CALN1: variants seen among roughly 807,000 people sequenced by gnomAD.
CALN1 encodes calneuron 1.
CALN1 carries 17 observed loss-of-function variants against 30.6 expected under a neutral mutation model. The observed-to-expected ratio is 0.56, with a 90% CI of 0.38 to 0.83. CALN1 has a LOEUF of 0.83. CALN1 is among the 40% of genes least tolerant of loss of function. The probability of loss-of-function intolerance (pLI) is 0.00; values close to 1 mark genes in which losing one functional copy is unlikely to be tolerated. For synonymous variants in CALN1, 156 were observed against 131.4 expected, an observed-to-expected ratio of 1.19 and a Z score of -1.28; for missense variants, 291 against 354.9, an observed-to-expected ratio of 0.82 and a Z score of 1.45.
chr7:72,121,027 G>A (rs1441271396), intron 3 of CALN1, among the ~76,000 whole-genome samples: 1 of 150,216 alleles, frequency 6.7e-6, no homozygotes, highest in Non-Finnish European at 1.5e-5. Context: ...GACTGTTTTG[G>A]GGGTGGAACG....
At chr7:72,321,748 G>A (rs985780284) in intron 2 of CALN1, among the ~76,000 whole-genome samples, 2 of 152,154 alleles carry the variant, frequency 1.3e-5, no homozygotes, top group Non-Finnish European at 2.9e-5. Flanking sequence ...GACTATACCC[G>A]CAGTCTTTCT....
Position 72,389,781 on chromosome 7 carries a change from C to CAT in CALN1, c.119+13469_119+13470insAT, listed in dbSNP as rs372384741. Reference sequence around the variant, plus strand: ...CTAAAAATACAAAATTAGCTAGGCACAGTGGTGCATGCCTGTAATCCCAGC... The same window carrying CAT: ...CTAAAAATACAAAATTAGCTAGGCACATAGTGGTGCATGCCTGTAATCCCAGC... On this transcript the variant is annotated intron_variant, in intron 2 of 6. Coordinates refer to ENST00000395275, the MANE Select transcript of CALN1 (RefSeq NM_031468.4). Among the ~76,000 whole-genome samples the CAT allele has an allele frequency of 7.9e-3, 1,207 of 152,170 alleles. 17 individuals are homozygous for CAT. Among genetic ancestry groups the CAT allele is most frequent in the African/African-American group, 0.028 (1,152 of 41,496 alleles).
chr7:72,500,014 C>T, the CALN1 span, among the ~76,000 whole-genome samples: 1 of 151,192 alleles, frequency 6.6e-6, no homozygotes, highest in Non-Finnish European at 1.5e-5. Context: ...CAGGCTCAAG[C>T]GATTCTCCTG....
At chr7:72,469,091 A>G in the CALN1 span, among the ~76,000 whole-genome samples, 1 of 152,150 alleles carries the variant, frequency 6.6e-6, no homozygotes, top group African/African-American at 2.4e-5. Context: ...TTCTTCTATT[A>G]CATGTGCTTT....
chr7:72,028,563 C>A (rs1013786962), intron 4 of CALN1, among the ~76,000 whole-genome samples: 1 of 152,150 alleles, frequency 6.6e-6, no homozygotes, highest in Non-Finnish European at 1.5e-5. Flanking sequence ...CCAACTATGG[C>A]GTGGAGTACA....
At chr7:72,241,252 G>A (rs1794807974) in intron 3 of CALN1, among the ~76,000 whole-genome samples, 1 of 152,186 alleles carries the variant, frequency 6.6e-6, no homozygotes, top group African/African-American at 2.4e-5. Flanking sequence ...ACTTACACCA[G>A]CCATGGACTA....
intron 3 of CALN1, among the ~76,000 whole-genome samples, chr7:72,120,197 TTATC>T (rs1436032220): frequency 1.3e-5 from 2 of 152,118 alleles, no homozygotes; most frequent in Admixed American, 6.6e-5. Context: ...GAAAAAAAAA[TTATC>T]TATATTTCAC....
At chr7:72,251,050 A>G (rs999620784) in intron 3 of CALN1, among the ~76,000 whole-genome samples, 3 of 152,092 alleles carry the variant, frequency 2.0e-5, no homozygotes, top group Non-Finnish European at 4.4e-5. Flanking sequence ...CAGACCAATC[A>G]TCTTGGAGCT....
chr7:72,213,511 G>C (rs1180687075), intron 3 of CALN1, among the ~76,000 whole-genome samples: 1 of 152,148 alleles, frequency 6.6e-6, no homozygotes, highest in Non-Finnish European at 1.5e-5. Flanking sequence ...ACTCAAATTG[G>C]ATTTCGGTGA....
chr7:72,197,361 A>G (rs930208907), intron 3 of CALN1, among the ~76,000 whole-genome samples: 1 of 151,346 alleles, frequency 6.6e-6, no homozygotes, highest in Non-Finnish European at 1.5e-5. Context: ...ACCACCACGC[A>G]TGGCTAATTT....
rs569196842 is a variant in CALN1 at position 71,842,019 on chromosome 7, C to T, written c.502-31527G>A. ...ATCTAAAAAAGAAAAAAAAAAAAGA[C>T]AAAAAACAAATCTCCCAGCCCTTCT... On this transcript the variant is annotated intron_variant, in intron 5 of 6. Coordinates refer to ENST00000395275, the MANE Select transcript of CALN1 (RefSeq NM_031468.4). Among the ~76,000 whole-genome samples the T allele has an allele frequency of 8.8e-4, 132 of 150,768 alleles. 1 individual carries two copies. Among genetic ancestry groups the T allele is most frequent in the African/African-American group, 2.9e-3 (120 of 41,136 alleles).
chr7:72,235,739 G>A (rs1381569646), intron 3 of CALN1, among the ~76,000 whole-genome samples: 1 of 134,856 alleles, frequency 7.4e-6, no homozygotes, highest in Non-Finnish European at 1.5e-5. Flanking sequence ...TTGTTATTAA[G>A]CCTGTCAATC....
At chr7:72,388,850 G>A (rs1037010420) in intron 2 of CALN1, among the ~76,000 whole-genome samples, 4 of 152,280 alleles carry the variant, frequency 2.6e-5, no homozygotes, top group Middle Eastern at 3.4e-3. Context: ...TTCAGAACTG[G>A]TGCATTTGGG....
chr7:72,365,881 T>TA (rs1178701662), intron 2 of CALN1, among the ~76,000 whole-genome samples: 1 of 152,202 alleles, frequency 6.6e-6, no homozygotes, highest in Non-Finnish European at 1.5e-5. Flanking sequence ...CCCAGTTGGT[T>TA]AAATTCTAAA....
At chr7:72,428,514 C>T (rs1166304518) in intron 1 of CALN1, among the ~76,000 whole-genome samples, 1 of 152,008 alleles carries the variant, frequency 6.6e-6, no homozygotes, top group Non-Finnish European at 1.5e-5. Context: ...GCCTCAGCCT[C>T]CCAAGCTGCT....
At chr7:71,933,668 G>A (rs1309012063) in intron 5 of CALN1, among the ~76,000 whole-genome samples, 2 of 152,178 alleles carry the variant, frequency 1.3e-5, no homozygotes, top group African/African-American at 4.8e-5. Flanking sequence ...CAGGCAGTCA[G>A]TAGAAGCTTA....
chr7:72,403,256 G>A lies in CALN1; in HGVS notation c.114C>T (p.Pro38=), dbSNP rs1226946952. 3.9e-6 allele frequency: 6 copies of A among 1,548,686 alleles called. No individual in the cohort carries two copies. The highest frequency in any genetic ancestry group is 2.7e-5 in the African/African-American group (2 of 73,202). ...TTTGGGGGAAGAAGACTTGCCAGGT[G>A]GGGAAGTCGGGGGCCTGGCTCCTCG... is the stretch of plus-strand genomic sequence containing the variant. The part of the protein sequence containing the change: ...EPPRSQAPDF[P]TWEKMPFHHV... The change falls in exon 2 of 7, where the codon CCC becomes CCT. Residue 38 remains proline, a synonymous_variant. Transcript: ENST00000395275.
intron 5 of CALN1, among the ~76,000 whole-genome samples, chr7:71,899,183 G>T (rs954669605): frequency 7.3e-6 from 1 of 136,488 alleles, no homozygotes; most frequent in African/African-American, 2.8e-5. Flanking sequence ...TTCACTCGTC[G>T]CCCAGGCTGG....
intron 2 of CALN1, among the ~76,000 whole-genome samples, chr7:72,393,566 AC>A (rs1450844038): frequency 6.6e-6 from 1 of 152,194 alleles, no homozygotes; most frequent in Non-Finnish European, 1.5e-5. Context: ...AGCAAGGAGG[AC>A]ACTGCATGAA....
Sources: gnomAD v4.1 joint callset for allele counts (sites outside exome capture counted in the v4.1 genomes callset) on GRCh38, gnomAD v4.1.1 for gene constraint, MANE v1.5 for transcripts, NCBI Gene and HGNC (gene_info 2026-07-23, HGNC 2026-07-21) for gene names.